The following ACTR3C variants were observed in gnomAD, a reference collection of about 807,000 sequenced individuals.
ACTR3C encodes actin related protein 3C.
ACTR3C carries 18 observed loss-of-function variants against 26.3 expected under a neutral mutation model. That is an observed-to-expected ratio of 0.68 (90% CI 0.47 to 1.01). The LOEUF is 1.01. Among genes scored for constraint, ACTR3C ranks in the 50% least tolerant of loss-of-function variants. ACTR3C has a pLI of 0.00. For missense variants in ACTR3C, 184 were observed against 250.7 expected (o/e 0.73, Z 1.80); for synonymous variants, 55 against 94.5 (o/e 0.58, Z 2.42).
the ACTR3C span, among the ~76,000 whole-genome samples, chr7:150,064,869 T>C: frequency 1.3e-5 from 2 of 152,228 alleles, no homozygotes; most frequent in Non-Finnish European, 2.9e-5. Flanking sequence ...AAATATATGG[T>C]ACTACTATGT....
the ACTR3C span, among the ~76,000 whole-genome samples, chr7:150,059,449 C>T: frequency 6.6e-6 from 1 of 152,150 alleles, no homozygotes; most frequent in African/African-American, 2.4e-5. Flanking sequence ...ATTTCTTCAA[C>T]TAGAAAATCT....
At chr7:150,104,619 G>C in the ACTR3C span, among the ~76,000 whole-genome samples, 1 of 151,378 alleles carries the variant, frequency 6.6e-6, no homozygotes, top group African/African-American at 2.4e-5. Flanking sequence ...AAACCTGAGG[G>C]CCTACTGGGT....
chr7:150,198,988 T>G, the ACTR3C span, among the ~76,000 whole-genome samples: 8 of 110,258 alleles, frequency 7.3e-5, no homozygotes, highest in Admixed American at 8.8e-5. Context: ...GTGGGGGGGG[T>G]CAGCCCCCCT....
At chr7:150,139,129 C>T in the ACTR3C span, among the ~76,000 whole-genome samples, 260 of 152,374 alleles carry the variant, frequency 1.7e-3, no homozygotes, top group African/African-American at 6.0e-3. Context: ...GAAACCATCC[C>T]ACCCCACCCC....
At chr7:149,981,413 A>G in the ACTR3C span, among the ~76,000 whole-genome samples, 1 of 151,760 alleles carries the variant, frequency 6.6e-6, no homozygotes, top group South Asian at 2.1e-4. Context: ...GAAGATCTGG[A>G]AACTCACGAA....
At chr7:150,152,969 G>A in the ACTR3C span, among the ~76,000 whole-genome samples, 1 of 152,118 alleles carries the variant, frequency 6.6e-6, no homozygotes, top group Non-Finnish European at 1.5e-5. Flanking sequence ...GTATTTCTGT[G>A]GGGTCAGTGG....
intron 6 of ACTR3C, among the ~76,000 whole-genome samples, chr7:150,272,971 A>T (rs1469590045): frequency 2.9e-5 from 4 of 140,094 alleles, no homozygotes; most frequent in Non-Finnish European, 6.0e-5. Context: ...CTGGGATTAC[A>T]CACATGAGCC....
chr7:150,222,296 CTCCTAGTGCACA>C, the ACTR3C span, among the ~76,000 whole-genome samples: 11 of 152,216 alleles, frequency 7.2e-5, no homozygotes, highest in African/African-American at 2.4e-4. Flanking sequence ...GCTTTGCCGC[CTCCTAGTGCACA>C]TCCTTGGGCA....
intron 6 of ACTR3C, among the ~76,000 whole-genome samples, chr7:150,257,852 C>G (rs1314294071): frequency 6.6e-6 from 1 of 151,992 alleles, no homozygotes; most frequent in Non-Finnish European, 1.5e-5. Flanking sequence ...GAGAGGGGCA[C>G]CATCATCAAT....
the ACTR3C span, chr7:150,001,828 G>A: frequency 1.3e-5 from 2 of 151,654 alleles, no homozygotes; most frequent in Non-Finnish European, 2.9e-5. Flanking sequence ...CATGCAGAAA[G>A]GAGATGGCCA....
the ACTR3C span, among the ~76,000 whole-genome samples, chr7:149,927,256 G>A: frequency 1.3e-5 from 2 of 151,946 alleles, no homozygotes; most frequent in Admixed American, 1.3e-4. Flanking sequence ...AAGTATTAAG[G>A]TGAAGATTTT....
chr7:150,012,202 C>CA, the ACTR3C span, among the ~76,000 whole-genome samples: 1 of 150,274 alleles, frequency 6.7e-6, no homozygotes. Context: ...TAAAGAAGCT[C>CA]TTTTTTTTTC....
the ACTR3C span, among the ~76,000 whole-genome samples, chr7:149,967,823 T>C: frequency 6.6e-6 from 1 of 152,142 alleles, no homozygotes; most frequent in Non-Finnish European, 1.5e-5. Flanking sequence ...TACCATAAAG[T>C]TGGAGAACTT....
At chr7:149,938,983 T>C in the ACTR3C span, among the ~76,000 whole-genome samples, 1 of 147,724 alleles carries the variant, frequency 6.8e-6, no homozygotes, top group Non-Finnish European at 1.5e-5. Flanking sequence ...TATATATGTA[T>C]ATAATATATT....
chr7:150,278,268 A>G (rs1835048897), intron 6 of ACTR3C, among the ~76,000 whole-genome samples: 1 of 152,222 alleles, frequency 6.6e-6, no homozygotes, highest in Non-Finnish European at 1.5e-5. Context: ...AGTTGATCTG[A>G]GTCGTCCTGT....
the ACTR3C span, among the ~76,000 whole-genome samples, chr7:150,185,659 A>C: frequency 3.3e-5 from 5 of 151,626 alleles, no homozygotes; most frequent in African/African-American, 1.2e-4. Flanking sequence ...TCCTATGAGG[A>C]CAGCAGAATA....
the ACTR3C span, among the ~76,000 whole-genome samples, chr7:149,931,629 A>G: frequency 2.8e-4 from 43 of 152,352 alleles, no homozygotes; most frequent in Non-Finnish European, 4.1e-4. Context: ...AGAATGAAAG[A>G]AAGTGTCAAC....
the ACTR3C span, among the ~76,000 whole-genome samples, chr7:150,117,383 C>G: frequency 6.6e-6 from 1 of 152,154 alleles, no homozygotes; most frequent in Non-Finnish European, 1.5e-5. Flanking sequence ...ATGGGATGCT[C>G]GAGCTTGGTG....
chr7:150,314,580 G>GT (rs749981174), intron 1 of ACTR3C, among the ~76,000 whole-genome samples: 10 of 152,044 alleles, frequency 6.6e-5, no homozygotes, highest in African/African-American at 1.9e-4. Context: ...TCTTTGAGGT[G>GT]TTTTTTGTGG....
Sources: gnomAD v4.1 joint callset for allele counts (sites outside exome capture counted in the v4.1 genomes callset) on GRCh38, gnomAD v4.1.1 for gene constraint, MANE v1.5 for transcripts, NCBI Gene and HGNC (gene_info 2026-07-23, HGNC 2026-07-21) for gene names.